TMTC2: variants seen among roughly 807,000 people sequenced by gnomAD.
TMTC2 encodes the protein transmembrane O-mannosyltransferase targeting cadherins 2, also known as protein O-mannosyl-transferase TMTC2.
A neutral mutation model predicts 82.4 loss-of-function variants in TMTC2; 43 were observed. The observed-to-expected ratio is 0.52, with a 90% CI of 0.41 to 0.67. The LOEUF (loss-of-function observed/expected upper bound fraction) is 0.67. TMTC2 is among the 30% of genes least tolerant of loss of function. The probability of loss-of-function intolerance (pLI) is 0.00; values close to 1 mark genes in which losing one functional copy is unlikely to be tolerated. For synonymous variants in TMTC2, 408 were observed against 381.9 expected, an observed-to-expected ratio of 1.07 and a Z score of -0.80; for missense variants, 919 against 1,012.4, an observed-to-expected ratio of 0.91 and a Z score of 1.25.
chr12:82,901,768 T>C (rs781444511), intron 3 of TMTC2, among the ~76,000 whole-genome samples: 3 of 152,146 alleles, frequency 2.0e-5, no homozygotes, highest in Non-Finnish European at 4.4e-5. Flanking sequence ...TATTTTGCTA[T>C]AGCCGTGGGT....
chr12:82,928,630 A>G (rs903537309), intron 3 of TMTC2, among the ~76,000 whole-genome samples: 4 of 152,162 alleles, frequency 2.6e-5, no homozygotes, highest in African/African-American at 9.7e-5. Context: ...AGGGGAGAAA[A>G]AGTTTGGAAA....
intron 1 of TMTC2, among the ~76,000 whole-genome samples, chr12:82,750,696 A>T (rs990874958): frequency 6.6e-6 from 1 of 152,144 alleles, no homozygotes; most frequent in Admixed American, 6.5e-5. Flanking sequence ...TGTTTCAGAC[A>T]CTATACAAAG....
chr12:82,735,770 G>T (rs1213551343), intron 1 of TMTC2, among the ~76,000 whole-genome samples: 1 of 151,848 alleles, frequency 6.6e-6, no homozygotes, highest in African/African-American at 2.4e-5. Context: ...TTCAAGACCA[G>T]CCTGGCCAAC....
chr12:83,117,141 G>A lies in TMTC2; in HGVS notation c.2332-15069G>A, dbSNP rs1036400184. The stretch of plus-strand genomic sequence containing the variant: ...TGAGGATCCAGTTTTATTCTCTTAC[G>A]TGTGGCTAGCCAATTATCCCAGCAC... On this transcript the variant is annotated intron_variant, in intron 11 of 11. Coordinates refer to ENST00000321196, the MANE Select transcript of TMTC2 (RefSeq NM_152588.3). Among the ~76,000 whole-genome samples the A allele has an allele frequency of 2.6e-5, 4 of 152,182 alleles. No individual in the cohort carries two copies. The South Asian group carries it at 6.2e-4, about 24-fold the overall frequency.
chr12:82,728,671 C>T (rs1048611864), intron 1 of TMTC2, among the ~76,000 whole-genome samples: 7 of 152,252 alleles, frequency 4.6e-5, no homozygotes, highest in South Asian at 2.1e-4. Flanking sequence ...ACTCTGGTCA[C>T]GCTTGAGGAG....
chr12:82,701,727 C>T (rs1184182967), intron 1 of TMTC2, among the ~76,000 whole-genome samples: 1 of 149,520 alleles, frequency 6.7e-6, no homozygotes, highest in Non-Finnish European at 1.5e-5. Flanking sequence ...TGCCATTGTG[C>T]TCTACCCTGG....
chr12:83,075,863 A>G (rs1472002690), intron 11 of TMTC2, among the ~76,000 whole-genome samples: 1 of 152,234 alleles, frequency 6.6e-6, no homozygotes, highest in Non-Finnish European at 1.5e-5. Flanking sequence ...ACAGGTTACA[A>G]GTCTAGCTTG....
intron 1 of TMTC2, among the ~76,000 whole-genome samples, chr12:82,720,278 G>A (rs1051784726): frequency 2.0e-5 from 3 of 152,102 alleles, no homozygotes; most frequent in Non-Finnish European, 4.4e-5. Context: ...GTCTATATAA[G>A]TTTGCATGTT....
intron 11 of TMTC2, among the ~76,000 whole-genome samples, chr12:83,100,960 G>A (rs1256384641): frequency 6.6e-6 from 1 of 152,118 alleles, no homozygotes; most frequent in African/African-American, 2.4e-5. Context: ...TGTGTTAGTA[G>A]CATTCTAGTT....
chr12:82,837,845 A>G (rs1008931535), intron 1 of TMTC2, among the ~76,000 whole-genome samples: 1 of 152,220 alleles, frequency 6.6e-6, no homozygotes, highest in Admixed American at 6.5e-5. Context: ...AGTAAATTAT[A>G]CATGGGGGCA....
intron 4 of TMTC2, among the ~76,000 whole-genome samples, chr12:82,934,700 T>C (rs1876223055): frequency 6.6e-6 from 1 of 152,186 alleles, no homozygotes; most frequent in African/African-American, 2.4e-5. Context: ...TTTGTGCATG[T>C]GTCTTTATAG....
In TMTC2 at chr12:83,019,455, A is replaced by G. The variant is rs1880819188; in HGVS notation, c.2071-11343A>G. ...TGTTTTTCAGCATTAGACACAATCA[A>G]CTACTGCTGTTTTCTTGAGACCCTG... On this transcript the variant is annotated intron_variant, in intron 8 of 11. Transcript: ENST00000321196. Among the ~76,000 whole-genome samples the G allele has an allele frequency of 2.6e-5, 4 of 152,162 alleles. No homozygotes were observed. The South Asian group carries it at 8.3e-4, about 31-fold the overall frequency.
At chr12:82,706,952 T>C (rs2136907129) in intron 1 of TMTC2, among the ~76,000 whole-genome samples, 1 of 152,346 alleles carries the variant, frequency 6.6e-6, no homozygotes, top group Admixed American at 6.5e-5. Flanking sequence ...TTGGCACGCC[T>C]GTATTTGCTA....
intron 10 of TMTC2, among the ~76,000 whole-genome samples, chr12:83,059,120 C>G (rs1301622255): frequency 6.6e-6 from 1 of 151,754 alleles, no homozygotes; most frequent in Non-Finnish European, 1.5e-5. Flanking sequence ...GTCTCGGGAA[C>G]CTGAGTCCTG....
chr12:82,761,286 G>A (rs1876618122), intron 1 of TMTC2, among the ~76,000 whole-genome samples: 1 of 152,172 alleles, frequency 6.6e-6, no homozygotes, highest in Admixed American at 6.5e-5. Flanking sequence ...GATATAACAT[G>A]CGTTATTACC....
intron 4 of TMTC2, among the ~76,000 whole-genome samples, chr12:82,936,360 G>A (rs1180659533): frequency 6.6e-6 from 1 of 151,892 alleles, no homozygotes; most frequent in African/African-American, 2.4e-5. Flanking sequence ...TGATTGCAAT[G>A]TATCTGACTA....
chr12:82,857,186 A>C lies in TMTC2; in HGVS notation c.260A>C (p.Tyr87Ser). ...HAIGGLNPWS[Y>S]HLVNVLLHAA... ...ATTGGAGGGTTGAATCCCTGGAGCT[A>C]CCATCTTGTCAATGTCCTGTTGCAT... is the stretch of plus-strand genomic sequence containing the variant. The change falls in exon 2 of 12, where the codon TAC (tyrosine) becomes TCC (serine). Residue 87 changes from tyrosine (Y) to serine (S), a missense_variant. Tyr to Ser is a moderately radical substitution (Grantham distance 144). Coordinates refer to ENST00000321196, the MANE Select transcript of TMTC2 (RefSeq NM_152588.3). The C allele has an allele frequency of 6.2e-7, 1 of 1,614,090 alleles. No homozygotes were observed. Among genetic ancestry groups the C allele is most frequent in the Admixed American group, 1.7e-5 (1 of 60,022 alleles).
At chr12:82,801,575 A>T (rs1204415963) in intron 1 of TMTC2, among the ~76,000 whole-genome samples, 1 of 152,146 alleles carries the variant, frequency 6.6e-6, no homozygotes, top group Non-Finnish European at 1.5e-5. Context: ...CAGATTGCTG[A>T]TTAGTGCGTT....
intron 4 of TMTC2, among the ~76,000 whole-genome samples, chr12:82,956,058 A>T (rs1439886945): frequency 6.6e-6 from 1 of 152,158 alleles, no homozygotes; most frequent in Non-Finnish European, 1.5e-5. Flanking sequence ...CTTCCACTGT[A>T]TCAACCTTAT....
Sources: gnomAD v4.1 joint callset for allele counts (sites outside exome capture counted in the v4.1 genomes callset) on GRCh38, gnomAD v4.1.1 for gene constraint, MANE v1.5 for transcripts, NCBI Gene and HGNC (gene_info 2026-07-23, HGNC 2026-07-21) for gene names.